Variants in SCCPDH observed in about 807,000 individuals in gnomAD.
SCCPDH encodes the protein saccharopine dehydrogenase-like oxidoreductase.
Under a neutral mutation model 51.5 loss-of-function variants are expected in SCCPDH, and 34 were observed. The observed-to-expected ratio is 0.66, with a 90% CI of 0.50 to 0.88. The LOEUF (loss-of-function observed/expected upper bound fraction) is 0.88, where lower values mean the gene tolerates loss of function less well. Among genes scored for constraint, SCCPDH ranks in the 40% least tolerant of loss-of-function variants. SCCPDH has a pLI of 0.00. For missense variants in SCCPDH, 464 were observed against 527.1 expected (o/e 0.88, Z 1.17); for synonymous variants, 187 against 191.3 (o/e 0.98, Z 0.19).
intron 5 of SCCPDH, among the ~76,000 whole-genome samples, chr1:246,744,647 ACT>A (rs1406985499): frequency 1.3e-5 from 2 of 150,024 alleles, no homozygotes; most frequent in Non-Finnish European, 3.0e-5. Flanking sequence ...ACAGAGTCTC[ACT>A]CTGTTGCCCA....
chr1:246,724,433 A>G lies in SCCPDH; in HGVS notation c.11A>G (p.Glu4Gly). 6.3e-7 allele frequency: 1 copy of G among 1,579,172 alleles called. No homozygotes were observed. Among genetic ancestry groups the G allele is most frequent in the Non-Finnish European group, 8.6e-7 (1 of 1,165,930 alleles). Residue 4 changes from glutamate to glycine, a missense_variant, in exon 1 of 12, where the codon GAG (glutamate) becomes GGG (glycine). Glu to Gly is a moderately conservative substitution (Grantham distance 98). Transcript: ENST00000366510. ...CGCTGTGGACTCGTCATGGCGACCG[A>G]GCAGAGGCCTTTCCACCTGGTGGTG... MAT[E>G]QRPFHLVVFG...
intron 2 of SCCPDH, among the ~76,000 whole-genome samples, chr1:246,730,830 G>A (rs1439215184): frequency 1.3e-5 from 2 of 152,038 alleles, no homozygotes; most frequent in African/African-American, 4.8e-5. Context: ...AGGCTGAGGT[G>A]GGCAGATCAC....
chr1:246,744,101 C>A lies in SCCPDH; in HGVS notation c.540C>A (p.Phe180Leu). The A allele has an allele frequency of 1.2e-6, 2 of 1,603,248 alleles. No homozygotes were observed. Among genetic ancestry groups the A allele is most frequent in the Admixed American group, 3.4e-5 (2 of 59,006 alleles). Residue 180 changes from phenylalanine to leucine, a missense_variant, in exon 5 of 12, where the codon TTC (phenylalanine) becomes TTA (leucine). By Grantham distance (22) the Phe-to-Leu change is conservative. Transcript: ENST00000366510. Reference sequence around the variant, plus strand: ...GTACTTTGACTGCTGTGGAAAGTTTCCTGACTATACATTCAGGACCTGAGG... The same window carrying A: ...GTACTTTGACTGCTGTGGAAAGTTTACTGACTATACATTCAGGACCTGAGG... Reference protein sequence around the residue: ...MNGTLTAVESFLTIHSGPEGL... With the variant: ...MNGTLTAVESLLTIHSGPEGL...
intron 9 of SCCPDH, among the ~76,000 whole-genome samples, chr1:246,761,208 C>T (rs1391062036): frequency 6.6e-6 from 1 of 152,162 alleles, no homozygotes; most frequent in African/African-American, 2.4e-5. Context: ...TTAATGTAGG[C>T]ACTGTGCAGG....
chr1:246,761,169 T>C (rs1669006898), intron 9 of SCCPDH, among the ~76,000 whole-genome samples: 2 of 152,162 alleles, frequency 1.3e-5, no homozygotes, highest in Non-Finnish European at 1.5e-5. Flanking sequence ...ATATGTTCCC[T>C]GTACAAGGCT....
intron 2 of SCCPDH, among the ~76,000 whole-genome samples, chr1:246,733,279 G>A: frequency 6.6e-6 from 1 of 151,906 alleles, no homozygotes; most frequent in East Asian, 1.9e-4. Flanking sequence ...TAGAGACAGG[G>A]TTTTGCCCTG....
intron 9 of SCCPDH, among the ~76,000 whole-genome samples, chr1:246,762,636 G>T (rs923645773): frequency 2.0e-5 from 3 of 152,062 alleles, no homozygotes; most frequent in Admixed American, 2.0e-4. Flanking sequence ...AAGGTCAGGA[G>T]TTCAAGACCA....
intron 1 of SCCPDH, 86 bp from the exon 2 acceptor site, chr1:246,726,806 G>T: frequency 2.3e-6 from 2 of 864,236 alleles, no homozygotes; most frequent in Admixed American, 2.0e-5. Flanking sequence ...TTAGTAATTT[G>T]CTGTCACTGA....
chr1:246,735,692 C>T (rs61852478), intron 2 of SCCPDH, among the ~76,000 whole-genome samples: 34,352 of 151,956 alleles, frequency 0.23, 4,270 homozygotes, highest in East Asian at 0.3. Context: ...CCACCACGCC[C>T]GGCTAATTTT....
chr1:246,740,539 T>C (rs1668660871), intron 4 of SCCPDH, among the ~76,000 whole-genome samples: 1 of 152,236 alleles, frequency 6.6e-6, no homozygotes, highest in South Asian at 2.1e-4. Context: ...TCAGTATAGT[T>C]TGGGCTGTAA....
At chr1:246,764,413 G>A (rs1669060440) in intron 10 of SCCPDH, 56 bp downstream of exon 10, 8 of 902,238 alleles carry the variant, frequency 8.9e-6, no homozygotes, top group Non-Finnish European at 1.4e-5. Flanking sequence ...AAGCTATAAA[G>A]TACAATGCCA....
intron 5 of SCCPDH, among the ~76,000 whole-genome samples, chr1:246,752,300 A>G (rs766003753): frequency 5.8e-4 from 89 of 152,332 alleles, no homozygotes; most frequent in Non-Finnish European, 1.0e-3. Context: ...ACAGAAGTGC[A>G]GATGAGGTCT....
chr1:246,728,586 T>G (rs1668437860), intron 2 of SCCPDH, among the ~76,000 whole-genome samples: 1 of 152,242 alleles, frequency 6.6e-6, no homozygotes, highest in Non-Finnish European at 1.5e-5. Context: ...CCCTCAGGAA[T>G]TCTCTCTCCT....
chr1:246,752,805 G>T (rs1668868910), intron 5 of SCCPDH, among the ~76,000 whole-genome samples: 1 of 151,936 alleles, frequency 6.6e-6, no homozygotes. Flanking sequence ...TGATAAGTTT[G>T]TTCCTGCCTC....
At chr1:246,738,571 A>G (rs1312188322) in intron 3 of SCCPDH, among the ~76,000 whole-genome samples, 2 of 151,914 alleles carry the variant, frequency 1.3e-5, no homozygotes, top group African/African-American at 4.8e-5. Context: ...AATAAAGACA[A>G]TTTATTTTAA....
Position 246,767,908 on chromosome 1 carries a change from T to C in SCCPDH, c.*608T>C, listed in dbSNP as rs966147496. ...CATGCTGCTTAAGTGGCCTAACCTG[T>C]TTCTTGCCAATAAGTAGGCTTATCA... On this transcript the variant is annotated 3_prime_UTR_variant, in exon 12 of 12. Transcript: ENST00000366510. 5 of 152,214 alleles carry C rather than the reference T, an allele frequency of 3.3e-5. No homozygotes were observed. Among genetic ancestry groups the C allele is most frequent in the Admixed American group, 2.6e-4 (4 of 15,282 alleles). 9.4% of individuals were successfully genotyped at this position (152,214 alleles called of 1,614,324 possible). A position where few individuals can be genotyped will look rare whatever the true frequency, so the allele number is the denominator to read the frequency against.
At chr1:246,745,806 C>T (rs913728602) in intron 5 of SCCPDH, among the ~76,000 whole-genome samples, 4 of 152,044 alleles carry the variant, frequency 2.6e-5, no homozygotes, top group African/African-American at 7.2e-5. Context: ...CCTCAGACAC[C>T]GAGTTAAAGA....
At chr1:246,754,445 A>G (rs925872187) in intron 5 of SCCPDH, among the ~76,000 whole-genome samples, 1 of 152,224 alleles carries the variant, frequency 6.6e-6, no homozygotes, top group African/African-American at 2.4e-5. Context: ...GTTAGAAGTA[A>G]ATTTTCAGTG....
chr1:246,757,382 A>G (rs1425879793), intron 5 of SCCPDH, among the ~76,000 whole-genome samples: 3 of 149,532 alleles, frequency 2.0e-5, no homozygotes, highest in African/African-American at 7.4e-5. Flanking sequence ...GCGCTGTGAT[A>G]GTAAATTCAG....
Sources: allele counts gnomAD v4.1 joint callset (sites outside exome capture counted in the v4.1 genomes callset), GRCh38; gene constraint gnomAD v4.1.1; transcripts MANE v1.5; gene names NCBI Gene and HGNC (gene_info 2026-07-23, HGNC 2026-07-21).